EYS: variants seen among roughly 807,000 people sequenced by gnomAD.
The protein encoded by EYS is EGF-like photoreceptor maintenance factor, also known as protein eyes shut homolog.
In EYS, 250 loss-of-function variants were observed where a neutral mutation model predicts 282.1. The ratio of observed to expected loss-of-function variants is 0.89; its 90% CI spans 0.80 to 0.98. The LOEUF (loss-of-function observed/expected upper bound fraction) is 0.98, where lower values mean the gene tolerates loss of function less well. Ranked by LOEUF, EYS falls within the 50% of genes least tolerant of loss-of-function variation. The pLI is 0.00. For synonymous variants in EYS, 1,355 were observed against 1,282.9 expected (o/e 1.06, Z -1.20); for missense variants, 4,016 against 3,709.0 (o/e 1.08, Z -2.15).
intron 1 of EYS, among the ~76,000 whole-genome samples, chr6:65,688,098 GA>G (rs1295451215): frequency 6.6e-6 from 1 of 152,004 alleles, no homozygotes; most frequent in Non-Finnish European, 1.5e-5. Flanking sequence ...AGTTCATATG[GA>G]ACCAAAAATG....
intron 11 of EYS, 197 bp downstream of exon 11, chr6:65,334,783 G>T: frequency 1.8e-6 from 1 of 547,352 alleles, no homozygotes; most frequent in East Asian, 3.0e-5. Flanking sequence ...CTTTTATTGT[G>T]CTAGAATTGT....
At chr6:64,319,498 T>G (rs962275106) in intron 29 of EYS, among the ~76,000 whole-genome samples, 3 of 152,012 alleles carry the variant, frequency 2.0e-5, no homozygotes, top group African/African-American at 7.2e-5. Flanking sequence ...CCCATGTTAC[T>G]AAGGAACAAT....
chr6:64,851,557 G>A (rs1765885864), intron 19 of EYS, among the ~76,000 whole-genome samples: 1 of 151,954 alleles, frequency 6.6e-6, no homozygotes, highest in Admixed American at 6.6e-5. Flanking sequence ...TTAAACTTCA[G>A]CCTAAATGTC....
chr6:65,407,906 T>C, intron 5 of EYS, among the ~76,000 whole-genome samples: 1 of 152,034 alleles, frequency 6.6e-6, no homozygotes, highest in East Asian at 1.9e-4. Flanking sequence ...ACACCTTTAA[T>C]GTGGTGTTCC....
chr6:64,902,510 G>A lies in EYS; in HGVS notation c.2642-10C>T, dbSNP rs1562251018. On this transcript the variant is annotated splice_polypyrimidine_tract_variant and intron_variant, in intron 16 of 42. Transcript: ENST00000503581. ...TTTTTACCTTCAAATTCTGCAAAGA[G>A]TATGAGATGAGTATGGATGAGCAAT... 2 of 1,491,234 alleles carry A rather than the reference G, an allele frequency of 1.3e-6. No individual in the cohort carries two copies. Among genetic ancestry groups the A allele is most frequent in the East Asian group, 2.5e-5 (1 of 40,318 alleles). The allele number at this position is 1,491,234 out of a possible 1,614,324, so 92.4% of individuals were successfully genotyped here.
At chr6:64,343,738 A>C (rs1009951692) in intron 29 of EYS, among the ~76,000 whole-genome samples, 6 of 152,146 alleles carry the variant, frequency 3.9e-5, no homozygotes, top group Non-Finnish European at 7.4e-5. Flanking sequence ...GAGACATAAA[A>C]AACCCTTCAA....
intron 16 of EYS, among the ~76,000 whole-genome samples, chr6:64,905,574 CT>C (rs1314232719): frequency 6.6e-6 from 1 of 152,172 alleles, no homozygotes; most frequent in Non-Finnish European, 1.5e-5. Context: ...TACTTCTGCA[CT>C]CGTTCCTCCA....
intron 30 of EYS, among the ~76,000 whole-genome samples, chr6:64,254,189 G>C (rs1010883105): frequency 4.6e-5 from 7 of 151,972 alleles, no homozygotes; most frequent in African/African-American, 1.7e-4. Flanking sequence ...ATATTTTCTA[G>C]CTACAATACC....
intron 22 of EYS, among the ~76,000 whole-genome samples, chr6:64,691,238 G>T (rs557718405): frequency 6.6e-6 from 1 of 151,990 alleles, no homozygotes; most frequent in African/African-American, 2.4e-5. Context: ...TTAAGGTCAC[G>T]AACAGGGCAT....
intron 35 of EYS, among the ~76,000 whole-genome samples, chr6:63,883,464 A>G (rs1482460): frequency 0.36 from 55,373 of 151,898 alleles, 10,512 homozygotes; most frequent in South Asian, 0.47. Flanking sequence ...CCCACGGGGG[A>G]AACTCTCAAC....
chr6:64,466,935 T>G (rs1395566663), intron 26 of EYS, among the ~76,000 whole-genome samples: 2 of 152,062 alleles, frequency 1.3e-5, no homozygotes, highest in African/African-American at 2.4e-5. Context: ...CATTAAAGTA[T>G]AAAAAGGAAA....
intron 19 of EYS, among the ~76,000 whole-genome samples, chr6:64,865,863 T>G (rs2150051168): frequency 6.6e-6 from 1 of 152,140 alleles, no homozygotes; most frequent in South Asian, 2.1e-4. Context: ...CTAATAGAAC[T>G]TTGTGATGGA....
At position 63,726,567 on chromosome 6, in the gene EYS, C is replaced by A. The variant is rs964398747; in HGVS notation, c.8185G>T (p.Ala2729Ser). The change falls in exon 42 of 43, where the codon GCA becomes TCA. Residue 2729 changes from alanine (A) to serine (S), a missense_variant. Physicochemically the swap from Ala to Ser is moderately conservative, Grantham distance 99 (BLOSUM62 1). Transcript: ENST00000503581. ...HIQLQFQPLAADGILFYAAQH... is the reference protein window; with the variant it reads ...HIQLQFQPLASDGILFYAAQH... ...GCAGCATAAAATAGGATACCATCTG[C>A]AGCGAGAGGCTGAAACTGCAATTGA... 2 of 1,551,234 alleles carry A rather than the reference C, an allele frequency of 1.3e-6. No individual in the cohort carries two copies. The highest frequency in any genetic ancestry group is 1.7e-6 in the Non-Finnish European group (2 of 1,146,814).
intron 2 of EYS, among the ~76,000 whole-genome samples, chr6:65,502,348 T>C (rs1383856897): frequency 6.6e-6 from 1 of 151,746 alleles, no homozygotes; most frequent in Non-Finnish European, 1.5e-5. Flanking sequence ...CAGAAAATCC[T>C]GCACATGGAT....
intron 26 of EYS, among the ~76,000 whole-genome samples, chr6:64,469,998 G>C (rs1300050430): frequency 6.6e-6 from 1 of 152,128 alleles, no homozygotes; most frequent in African/African-American, 2.4e-5. Context: ...TGGCTGCCAG[G>C]CAGGGAAGGG....
chr6:65,414,055 C>T (rs891289719), intron 5 of EYS, among the ~76,000 whole-genome samples: 3 of 152,034 alleles, frequency 2.0e-5, no homozygotes, highest in Non-Finnish European at 2.9e-5. Context: ...AAATAGAATG[C>T]TGCTACCCCA....
chr6:65,703,922 C>A (rs999436253), intron 1 of EYS, among the ~76,000 whole-genome samples: 1 of 152,122 alleles, frequency 6.6e-6, no homozygotes, highest in Non-Finnish European at 1.5e-5. Flanking sequence ...ACTGTCAGAT[C>A]TGGCTGTAAT....
At chr6:64,622,245 C>A (rs568497635) in intron 23 of EYS, among the ~76,000 whole-genome samples, 1 of 152,084 alleles carries the variant, frequency 6.6e-6, no homozygotes, top group Non-Finnish European at 1.5e-5. Context: ...TATAATTTTT[C>A]TGCCTAGAGA....
chr6:64,091,992 C>A (rs1294228246), intron 31 of EYS, among the ~76,000 whole-genome samples: 1 of 152,086 alleles, frequency 6.6e-6, no homozygotes, highest in Non-Finnish European at 1.5e-5. Flanking sequence ...TGGGTGAGAA[C>A]ATGCAGTGTT....
Sources: gnomAD v4.1 joint callset for allele counts (sites outside exome capture counted in the v4.1 genomes callset) on GRCh38, gnomAD v4.1.1 for gene constraint, MANE v1.5 for transcripts, NCBI Gene and HGNC (gene_info 2026-07-23, HGNC 2026-07-21) for gene names.